Variants in PPFIBP1 observed in about 807,000 individuals in gnomAD.
PPFIBP1 encodes PPFIB scaffold protein 1.
A neutral mutation model predicts 137.8 loss-of-function variants in PPFIBP1; 112 were observed. The ratio of observed to expected loss-of-function variants is 0.81; its 90% CI spans 0.70 to 0.95. The LOEUF (loss-of-function observed/expected upper bound fraction) is 0.95, where lower values mean the gene tolerates loss of function less well. Among genes scored for constraint, PPFIBP1 ranks in the 40% least tolerant of loss-of-function variants. The pLI, the probability that PPFIBP1 is intolerant of heterozygous loss-of-function variation, is 0.00. For synonymous variants in PPFIBP1, 378 were observed against 417.3 expected (o/e 0.91, Z 1.15); for missense variants, 1,083 against 1,196.6 (o/e 0.91, Z 1.40).
At chr12:27,618,640 C>T (rs988125892) in intron 2 of PPFIBP1, among the ~76,000 whole-genome samples, 1 of 152,216 alleles carries the variant, frequency 6.6e-6, no homozygotes, top group Non-Finnish European at 1.5e-5. Flanking sequence ...CTGGACTGAA[C>T]CAATGTAGAT....
chr12:27,612,608 G>A (rs1168843070), intron 2 of PPFIBP1, among the ~76,000 whole-genome samples: 2 of 151,912 alleles, frequency 1.3e-5, no homozygotes, highest in African/African-American at 2.4e-5. Flanking sequence ...CTCAGCCTCC[G>A]AAAGTGCTGG....
intron 18 of PPFIBP1, 185 bp from the exon 19 acceptor site, chr12:27,676,879 T>C: frequency 1.2e-6 from 1 of 803,140 alleles, no homozygotes; most frequent in Admixed American, 2.0e-5. Flanking sequence ...CCATCTGTTG[T>C]GATAGTGGAT....
chr12:27,576,692 G>A (rs1420580038), intron 1 of PPFIBP1, among the ~76,000 whole-genome samples: 2 of 152,094 alleles, frequency 1.3e-5, no homozygotes, highest in African/African-American at 4.8e-5. Context: ...GCTGTGTTGT[G>A]GACTGACTGG....
rs1293534321 is a variant in PPFIBP1 at position 27,671,558 on chromosome 12, A to T, written c.1262+12A>T. The stretch of plus-strand genomic sequence containing the variant: ...TCATTTGAAGAAAAGTATGTCATTT[A>T]TTAACAGTGCAATATAAATGTTCAA... On this transcript the variant is annotated intron_variant, in intron 14 of 29. Coordinates refer to ENST00000228425, the MANE Select transcript of PPFIBP1 (RefSeq NM_003622.4). 5 of 1,473,308 alleles carry T rather than the reference A, an allele frequency of 3.4e-6. No homozygotes were observed. The African/African-American group carries it at 7.1e-5, about 21-fold the overall frequency. 91.3% of individuals were successfully genotyped at this position (1,473,308 alleles called of 1,614,324 possible). A position where few individuals can be genotyped will look rare whatever the true frequency, so the allele number is the denominator to read the frequency against.
chr12:27,642,584 A>C (rs2058189311), intron 4 of PPFIBP1, among the ~76,000 whole-genome samples: 1 of 152,202 alleles, frequency 6.6e-6, no homozygotes, highest in African/African-American at 2.4e-5. Context: ...GAAACACTAA[A>C]GAGCACAGTT....
chr12:27,654,529 T>C (rs1200550070), intron 7 of PPFIBP1, 193 bp from the exon 8 acceptor site: 1 of 636,832 alleles, frequency 1.6e-6, no homozygotes, highest in Non-Finnish European at 2.4e-6. Flanking sequence ...ATTGGGGATT[T>C]AAAGGAATGT....
At position 27,686,703 on chromosome 12, in the gene PPFIBP1, G is replaced by A. The variant is rs1197854992; in HGVS notation, c.2248-682G>A. Among the ~76,000 whole-genome samples the A allele has an allele frequency of 3.9e-5, 6 of 152,114 alleles. No homozygotes were observed. In the East Asian group the frequency reaches 1.2e-3, roughly 29 times the overall value. ...CAGGGAATAGTATAATAAGAGCACT[G>A]TTCTGATTTTCCCCAAAATTATGAT... is the stretch of plus-strand genomic sequence containing the variant. On this transcript the variant is annotated intron_variant, in intron 24 of 29. Transcript: ENST00000228425.
At chr12:27,646,929 C>T (rs1036114803) in intron 5 of PPFIBP1, among the ~76,000 whole-genome samples, 1 of 152,080 alleles carries the variant, frequency 6.6e-6, no homozygotes, top group Non-Finnish European at 1.5e-5. Context: ...ATTGAGTTGC[C>T]CCCCCTGACT....
intron 2 of PPFIBP1, among the ~76,000 whole-genome samples, chr12:27,615,767 G>T (rs1038342596): frequency 2.6e-5 from 4 of 152,286 alleles, no homozygotes; most frequent in Admixed American, 2.0e-4. Flanking sequence ...GTAGAGGGAA[G>T]AAAATGGTGT....
In PPFIBP1 at chr12:27,668,224, C is replaced by T. The variant is rs79178508; in HGVS notation, c.1146+904C>T. Among the ~76,000 whole-genome samples the T allele has an allele frequency of 4.4e-3, 672 of 152,198 alleles. 5 individuals are homozygous for T. The highest frequency in any genetic ancestry group is 0.015 in the African/African-American group (632 of 41,510). On this transcript the variant is annotated intron_variant, in intron 13 of 29. Coordinates refer to ENST00000228425, the MANE Select transcript of PPFIBP1 (RefSeq NM_003622.4). ...CAGGATCTTGTCACCCAGACCAGGT[C>T]GAGATGTGGGTGAAGCTCCTCAGGT...
chr12:27,646,074 CT>C lies in PPFIBP1; in HGVS notation c.284del (p.Leu95HisfsTer15), dbSNP rs759915306. On this transcript the variant is annotated frameshift_variant, in exon 5 of 30. Coordinates refer to ENST00000228425, the MANE Select transcript of PPFIBP1 (RefSeq NM_003622.4). LOFTEE classifies it high-confidence loss of function. ...WLQSQMTNGH[L>X]PGNGDVYQER... ...CTTCCTTTTTCAGACAAATGGACACCTACCAGGGAACGGAGATGTGTATCAA... is the reference window on the plus strand; with the variant it reads ...CTTCCTTTTTCAGACAAATGGACACCACCAGGGAACGGAGATGTGTATCAA... 6.2e-7 allele frequency: 1 copy of C among 1,607,672 alleles called. No individual in the cohort carries two copies. Among genetic ancestry groups the C allele is most frequent in the Non-Finnish European group, 8.5e-7 (1 of 1,175,246 alleles).
intron 4 of PPFIBP1, among the ~76,000 whole-genome samples, chr12:27,637,994 G>A (rs1411644902): frequency 2.0e-5 from 3 of 151,786 alleles, no homozygotes; most frequent in East Asian, 1.9e-4. Context: ...TATTAATAAG[G>A]TACTTAGAAT....
rs554718410 is a variant in PPFIBP1 at position 27,664,323 on chromosome 12, G to A, written c.907-39G>A. 3.0e-6 allele frequency: 4 copies of A among 1,330,834 alleles called. No individual in the cohort carries two copies. The African/African-American group carries it at 5.8e-5, about 19-fold the overall frequency. 82.4% of individuals were successfully genotyped at this position (1,330,834 alleles called of 1,614,324 possible). A position where few individuals can be genotyped will look rare whatever the true frequency, so the allele number is the denominator to read the frequency against. On this transcript the variant is annotated intron_variant, in intron 11 of 29. Transcript: ENST00000228425. ...TATGGAATTACTATTACTCTTTTAA[G>A]AACATAGGATTAAAGATTACAATTT...
At chr12:27,592,470 T>C in intron 2 of PPFIBP1, 2 of 1,072,168 alleles carry the variant, frequency 1.9e-6, no homozygotes, top group Non-Finnish European at 2.7e-6. Context: ...ATATAGGATG[T>C]CCTAATTCAA....
At chr12:27,660,767 A>C (rs2059496078) in intron 10 of PPFIBP1, 117 bp from the exon 11 acceptor site, 1 of 1,420,054 alleles carries the variant, frequency 7.0e-7, no homozygotes, top group East Asian at 2.4e-5. Flanking sequence ...TTAAAGAATA[A>C]ATGAAAGAAA....
intron 2 of PPFIBP1, among the ~76,000 whole-genome samples, chr12:27,595,133 T>G (rs1166972448): frequency 1.3e-5 from 2 of 152,262 alleles, no homozygotes; most frequent in Non-Finnish European, 2.9e-5. Flanking sequence ...CAGGAAGGTT[T>G]TGCTGTTTAG....
At chr12:27,611,837 T>A (rs1228948802) in intron 2 of PPFIBP1, among the ~76,000 whole-genome samples, 1 of 151,642 alleles carries the variant, frequency 6.6e-6, no homozygotes, top group African/African-American at 2.4e-5. Context: ...CATGAGTCAT[T>A]AGGCCAAAAA....
At position 27,688,340 on chromosome 12, in the gene PPFIBP1, C is replaced by A; in HGVS notation, c.2413C>A (p.Arg805=). 2.5e-6 allele frequency: 4 copies of A among 1,614,104 alleles called. No homozygotes were observed. Among genetic ancestry groups the A allele is most frequent in the Non-Finnish European group, 3.4e-6 (4 of 1,179,980 alleles). ...AGAAGTTCAGAAGTGGACTAACCAT[C>A]GAGTGATGGAGTGGCTGCGCTCCGT... The part of the protein sequence containing the change: ...PSEVQKWTNH[R]VMEWLRSVDL... The change falls in exon 26 of 30, where the codon CGA becomes AGA. Residue 805 remains arginine (R), a synonymous_variant. Coordinates refer to ENST00000228425, the MANE Select transcript of PPFIBP1 (RefSeq NM_003622.4).
At chr12:27,677,036 A>T (rs201708116) in intron 18 of PPFIBP1, 28 bp from the exon 19 acceptor site, 1 of 1,614,038 alleles carries the variant, frequency 6.2e-7, no homozygotes, top group Non-Finnish European at 8.5e-7. Context: ...GCTGCGTGTG[A>T]TTGTGTGCGT....
Sources: allele counts gnomAD v4.1 joint callset (sites outside exome capture counted in the v4.1 genomes callset), GRCh38; gene constraint gnomAD v4.1.1; transcripts MANE v1.5; gene names NCBI Gene and HGNC (gene_info 2026-07-23, HGNC 2026-07-21).